Variants in CADM1 observed in about 807,000 individuals in gnomAD.
The protein encoded by CADM1 is cell adhesion molecule 1, also known as TSLC-1.
In CADM1, 15 loss-of-function variants were observed where a neutral mutation model predicts 53.1. That is an observed-to-expected ratio of 0.28 (90% CI 0.19 to 0.44). The LOEUF (loss-of-function observed/expected upper bound fraction) is 0.44, where lower values mean the gene tolerates loss of function less well. Among genes scored for constraint, CADM1 ranks in the 20% least tolerant of loss-of-function variants. The probability of loss-of-function intolerance (pLI) is 1.00; values close to 1 mark genes in which losing one functional copy is unlikely to be tolerated. For missense variants in CADM1, 434 were observed against 611.3 expected (o/e 0.71, Z 3.06); for synonymous variants, 281 against 243.0 (o/e 1.16, Z -1.45).
chr11:115,189,241 T>C (rs186789713), intron 10 of CADM1, among the ~76,000 whole-genome samples: 2 of 152,328 alleles, frequency 1.3e-5, no homozygotes, highest in African/African-American at 4.8e-5. Context: ...GGGACCCATC[T>C]GACATGGCGC....
chr11:115,190,850 T>C (rs1290736736), intron 10 of CADM1, 38 bp downstream of exon 10: 3 of 1,547,932 alleles, frequency 1.9e-6, no homozygotes, highest in Non-Finnish European at 1.8e-6. Context: ...ACCCACAGGT[T>C]GGACACTGCA....
chr11:115,283,986 C>T (rs530422111), intron 1 of CADM1, among the ~76,000 whole-genome samples: 1 of 152,110 alleles, frequency 6.6e-6, no homozygotes, highest in South Asian at 2.1e-4. Flanking sequence ...GGATCGGGTC[C>T]TAGACTTGCT....
Position 115,169,388 on chromosome 11 carries a change from A to G in CADM1, c.*7086T>C. ...CTGTCTTAAGCATCTCCCGGGCTACATTTCTGGCTGTGTTAAGAATCAAGC... is the reference window on the plus strand; with the variant it reads ...CTGTCTTAAGCATCTCCCGGGCTACGTTTCTGGCTGTGTTAAGAATCAAGC... On this transcript the variant is annotated 3_prime_UTR_variant, in exon 12 of 12. Coordinates refer to ENST00000331581, the MANE Select transcript of CADM1 (RefSeq NM_001301043.2). 5.8e-6 allele frequency: 2 copies of G among 344,212 alleles called. No homozygotes were observed. Among genetic ancestry groups the G allele is most frequent in the East Asian group, 7.5e-5 (1 of 13,262 alleles). The allele number at this position is 344,212 out of a possible 1,614,324, so 21.3% of individuals were successfully genotyped here.
At chr11:115,272,407 T>C (rs1591659866) in intron 1 of CADM1, among the ~76,000 whole-genome samples, 1 of 152,256 alleles carries the variant, frequency 6.6e-6, no homozygotes, top group East Asian at 1.9e-4. Context: ...CAGGTGTATA[T>C]AAAAACTGTT....
At position 115,357,923 on chromosome 11, in the gene CADM1, AACAG is replaced by A. The variant is rs565567801; in HGVS notation, c.125-117507_125-117504del. Among the ~76,000 whole-genome samples the A allele has an allele frequency of 6.2e-3, 947 of 152,352 alleles. 12 individuals carry two copies. Among genetic ancestry groups the A allele is most frequent in the African/African-American group, 0.022 (897 of 41,592 alleles). ...CTTTTGGGAGCTTACAGTCCAGTAC[AACAG>A]ACAGACACTAGATAATTACTTGATT... is the stretch of plus-strand genomic sequence containing the variant. On this transcript the variant is annotated intron_variant, in intron 1 of 11. Coordinates refer to ENST00000331581, the MANE Select transcript of CADM1 (RefSeq NM_001301043.2).
intron 1 of CADM1, among the ~76,000 whole-genome samples, chr11:115,354,987 CCTT>C (rs2135072485): frequency 6.6e-6 from 1 of 152,248 alleles, no homozygotes; most frequent in African/African-American, 2.4e-5. Context: ...TAATCATTTC[CCTT>C]CTTCTTGAAC....
At chr11:115,446,900 T>C (rs1948463707) in intron 1 of CADM1, among the ~76,000 whole-genome samples, 1 of 152,114 alleles carries the variant, frequency 6.6e-6, no homozygotes, top group African/African-American at 2.4e-5. Context: ...GGGAACCCAA[T>C]TTGAGACCCC....
chr11:115,257,468 A>G (rs373803900), intron 1 of CADM1, among the ~76,000 whole-genome samples: 1 of 152,210 alleles, frequency 6.6e-6, no homozygotes, highest in Non-Finnish European at 1.5e-5. Context: ...AAAGCACTAA[A>G]TATGTCCAAA....
At chr11:115,468,531 T>C (rs1948942953) in intron 1 of CADM1, among the ~76,000 whole-genome samples, 1 of 152,128 alleles carries the variant, frequency 6.6e-6, no homozygotes. Context: ...AGGTACCTTA[T>C]GTCTTACAGG....
chr11:115,296,525 G>A (rs1944083409), intron 1 of CADM1, among the ~76,000 whole-genome samples: 1 of 152,166 alleles, frequency 6.6e-6, no homozygotes, highest in Non-Finnish European at 1.5e-5. Flanking sequence ...TCCCTAGAGA[G>A]TGGGTTGTTA....
intron 1 of CADM1, among the ~76,000 whole-genome samples, chr11:115,494,335 A>G (rs1565454855): frequency 6.6e-6 from 1 of 152,156 alleles, no homozygotes; most frequent in Non-Finnish European, 1.5e-5. Context: ...AAAAGCAGAT[A>G]CTCAATTTTA....
At chr11:115,422,415 A>G (rs1013871366) in intron 1 of CADM1, among the ~76,000 whole-genome samples, 2 of 152,216 alleles carry the variant, frequency 1.3e-5, no homozygotes, top group African/African-American at 4.8e-5. Context: ...CCAGAAAGCC[A>G]CAAAAATAAA....
chr11:115,283,385 T>G (rs890286911), intron 1 of CADM1, among the ~76,000 whole-genome samples: 2 of 152,194 alleles, frequency 1.3e-5, no homozygotes, highest in Non-Finnish European at 2.9e-5. Flanking sequence ...TGGAGTTCAC[T>G]GCCCCTAAGC....
chr11:115,284,087 ACTCTCT>A (rs141079093), intron 1 of CADM1, among the ~76,000 whole-genome samples: 3 of 47,592 alleles, frequency 6.3e-5, no homozygotes, highest in Non-Finnish European at 1.1e-4. Context: ...AAGCCCAGAC[ACTCTCT>A]CTCTCTCTCT....
intron 1 of CADM1, among the ~76,000 whole-genome samples, chr11:115,366,527 T>C (rs1284059705): frequency 5.3e-5 from 8 of 152,016 alleles, no homozygotes; most frequent in African/African-American, 1.9e-4. Flanking sequence ...ATGCAGAGAG[T>C]TGCTAATTTT....
intron 1 of CADM1, among the ~76,000 whole-genome samples, chr11:115,404,343 AAAAATATATATATATATATATATATATAT>A (rs1256937273): frequency 2.5e-5 from 1 of 39,882 alleles, no homozygotes; most frequent in African/African-American, 8.2e-5. Flanking sequence ...AAAAAAAAAA[AAAAATATATATATATATATATATATATAT>A]ATATATATAT....
At chr11:115,394,215 T>C (rs1946926746) in intron 1 of CADM1, among the ~76,000 whole-genome samples, 1 of 152,222 alleles carries the variant, frequency 6.6e-6, no homozygotes, top group Non-Finnish European at 1.5e-5. Flanking sequence ...TTTATAAAAT[T>C]ACATCAGATC....
At chr11:115,193,551 G>C (rs935679631) in intron 9 of CADM1, among the ~76,000 whole-genome samples, 1 of 152,084 alleles carries the variant, frequency 6.6e-6, no homozygotes, top group Non-Finnish European at 1.5e-5. Flanking sequence ...CTTTTCAACA[G>C]TAATTGCTGG....
At chr11:115,325,062 A>G (rs1334845221) in intron 1 of CADM1, among the ~76,000 whole-genome samples, 1 of 152,222 alleles carries the variant, frequency 6.6e-6, no homozygotes, top group Admixed American at 6.5e-5. Flanking sequence ...TAGAGCATCT[A>G]TTAAGAGGAT....
Sources: gnomAD v4.1 joint callset for allele counts (sites outside exome capture counted in the v4.1 genomes callset) on GRCh38, gnomAD v4.1.1 for gene constraint, MANE v1.5 for transcripts, NCBI Gene and HGNC (gene_info 2026-07-23, HGNC 2026-07-21) for gene names.